The following RYR2 variants were observed in gnomAD, a reference collection of about 807,000 sequenced individuals.
RYR2 encodes the protein cardiac muscle ryanodine receptor-calcium release channel.
In RYR2, 227 loss-of-function variants were observed where a neutral mutation model predicts 601.1. The observed-to-expected ratio is 0.38, with a 90% confidence interval of 0.34 to 0.42. The LOEUF (loss-of-function observed/expected upper bound fraction) is 0.42. RYR2 is among the 10% of genes least tolerant of loss of function. The pLI is 1.00. For synonymous variants in RYR2, 2,223 were observed against 2,175.1 expected (o/e 1.02, Z -0.61); for missense variants, 4,646 against 6,156.5 (o/e 0.75, Z 8.21).
chr1:237,786,074 T>C, intron 91 of RYR2, 38 bp downstream of exon 91: 1 of 1,294,652 alleles, frequency 7.7e-7, no homozygotes, highest in Admixed American at 2.0e-5. Context: ...TTCGTTTCAG[T>C]TTGTCATTAC....
At chr1:237,505,813 A>G (rs1361604985) in intron 22 of RYR2, among the ~76,000 whole-genome samples, 2 of 152,218 alleles carry the variant, frequency 1.3e-5, no homozygotes, top group African/African-American at 4.8e-5. Context: ...GTGCTTAATC[A>G]AGACGTAAAC....
chr1:237,281,611 C>A (rs1413665401), intron 2 of RYR2, among the ~76,000 whole-genome samples: 1 of 152,212 alleles, frequency 6.6e-6, no homozygotes, highest in Non-Finnish European at 1.5e-5. Flanking sequence ...AAGTGCGTAG[C>A]CAGTTTTTGT....
intron 3 of RYR2, among the ~76,000 whole-genome samples, chr1:237,352,035 A>G (rs1698898062): frequency 6.6e-6 from 1 of 151,416 alleles, no homozygotes; most frequent in Admixed American, 6.6e-5. Flanking sequence ...TTATTAAGAT[A>G]AAAAAATATT....
chr1:237,618,517 C>T (rs1401321758), intron 38 of RYR2, among the ~76,000 whole-genome samples: 2 of 152,104 alleles, frequency 1.3e-5, no homozygotes, highest in African/African-American at 4.8e-5. Flanking sequence ...TTTCTTTTTG[C>T]CTCATCTATC....
Position 237,228,912 on chromosome 1 carries a change from A to G in RYR2, c.49-41585A>G, listed in dbSNP as rs116411537. Among the ~76,000 whole-genome samples, 509 of 152,310 alleles carry G rather than the reference A, an allele frequency of 3.3e-3. 1 individual carries two copies. Among genetic ancestry groups the G allele is most frequent in the Non-Finnish European group, 5.5e-3 (374 of 68,032 alleles). ...CTAGAAGCTTTGGGTGATGTGAAAA[A>G]AAATAGGAAGAAAAATAGTGACAGC... On this transcript the variant is annotated intron_variant, in intron 1 of 104. Transcript: ENST00000366574.
chr1:237,402,808 GTCTTACTCTATTGGGC>G (rs1703474184), intron 10 of RYR2, among the ~76,000 whole-genome samples: 5 of 10,956 alleles, frequency 4.6e-4, no homozygotes, highest in Admixed American at 1.3e-3. Flanking sequence ...GAGACTCAGA[GTCTTACTCTATTGGGC>G]AGGCTGGAGT....
At chr1:237,538,581 G>A (rs1022180971) in intron 25 of RYR2, among the ~76,000 whole-genome samples, 14 of 151,386 alleles carry the variant, frequency 9.2e-5, no homozygotes, top group African/African-American at 3.4e-4. Context: ...AGACCAGCCC[G>A]GCCAACATGG....
At chr1:237,789,017 T>C (rs1273571856) in intron 92 of RYR2, among the ~76,000 whole-genome samples, 1 of 151,416 alleles carries the variant, frequency 6.6e-6, no homozygotes, top group African/African-American at 2.4e-5. Flanking sequence ...TATATGTGTA[T>C]ATATGTATAA....
chr1:237,342,719 A>G (rs1314189701), intron 3 of RYR2, among the ~76,000 whole-genome samples: 2 of 152,148 alleles, frequency 1.3e-5, no homozygotes, highest in Admixed American at 1.3e-4. Context: ...ACCACGTGGA[A>G]CTGTAGAAGG....
At chr1:237,623,468 A>G (rs1255766104) in intron 38 of RYR2, among the ~76,000 whole-genome samples, 3 of 137,284 alleles carry the variant, frequency 2.2e-5, no homozygotes, top group South Asian at 2.3e-4. Context: ...ATCTCGGCTC[A>G]CTGCAACCTC....
intron 2 of RYR2, among the ~76,000 whole-genome samples, chr1:237,289,651 T>A (rs1572489522): frequency 1.2e-5 from 1 of 85,690 alleles, no homozygotes; most frequent in African/African-American, 2.9e-5. Flanking sequence ...TCCCATGACA[T>A]GTGGGAATTA....
rs769044169 is a variant in RYR2 at position 237,610,792 on chromosome 1, A to G, written c.4714A>G (p.Lys1572Glu). ...NVMPLSAGLF[K>E]SEHKNPVPQC... ...GATGCCTCTCTCGGCGGGATTATTC[A>G]AGAGTGAGCACAAGAACCCCGTGCC... Residue 1572 changes from lysine to glutamate, a missense_variant, in exon 36 of 105, where the codon AAG becomes GAG. Transcript: ENST00000366574. This position sits in a 1 kb window ranked among gnomAD's most constrained non-coding sequence, Gnocchi z 4.9. The G allele has an allele frequency of 9.3e-6, 15 of 1,608,810 alleles. No homozygotes were observed. Among genetic ancestry groups the G allele is most frequent in the Non-Finnish European group, 1.3e-5 (15 of 1,178,020 alleles).
chr1:237,312,847 G>A (rs1694708533), intron 2 of RYR2, among the ~76,000 whole-genome samples: 1 of 152,136 alleles, frequency 6.6e-6, no homozygotes, highest in African/African-American at 2.4e-5. Context: ...TTTTGTAATT[G>A]GTGGATTAAA....
chr1:237,339,725 T>C (rs1697587921), intron 3 of RYR2, among the ~76,000 whole-genome samples: 1 of 152,202 alleles, frequency 6.6e-6, no homozygotes, highest in African/African-American at 2.4e-5. Context: ...GTTCTGTGTT[T>C]GCTTGGTTCA....
chr1:237,127,842 G>A (rs1421640369), intron 1 of RYR2, among the ~76,000 whole-genome samples: 2 of 150,782 alleles, frequency 1.3e-5, no homozygotes, highest in African/African-American at 2.5e-5. Flanking sequence ...CTGGGCAGAG[G>A]TGCTCCTCAC....
At chr1:237,125,698 C>T (rs1223694858) in intron 1 of RYR2, among the ~76,000 whole-genome samples, 1 of 152,132 alleles carries the variant, frequency 6.6e-6, no homozygotes, top group Admixed American at 6.5e-5. Flanking sequence ...AATTAAAGTT[C>T]TTTGTAAAAA....
At chr1:237,634,374 A>G (rs967599339) in intron 43 of RYR2, among the ~76,000 whole-genome samples, 2 of 152,102 alleles carry the variant, frequency 1.3e-5, no homozygotes, top group African/African-American at 4.8e-5. Flanking sequence ...AAAGACAAAA[A>G]CCACATGATC....
chr1:237,322,864 T>TA (rs1184016902), intron 2 of RYR2, among the ~76,000 whole-genome samples: 1,501 of 147,686 alleles, frequency 0.01, 22 homozygotes, highest in African/African-American at 0.035. Flanking sequence ...AATTTTTTTT[T>TA]AAAAAAAAAA....
At position 237,687,625 on chromosome 1, in the gene RYR2, C is replaced by T. The variant is rs1454164565; in HGVS notation, c.9067+121C>T. The T allele has an allele frequency of 9.3e-6, 7 of 755,574 alleles. No individual in the cohort carries two copies. The East Asian group carries it at 1.1e-4, about 12-fold the overall frequency. 46.8% of individuals were successfully genotyped at this position (755,574 alleles called of 1,614,324 possible). ...ATGTTTGCATGGCTGCATGCATGGT[C>T]GTTGCAGGCCAAGATAAGGTCCTCG... On this transcript the variant is annotated intron_variant, in intron 63 of 104. Transcript: ENST00000366574.
Sources: gnomAD v4.1 joint callset for allele counts (sites outside exome capture counted in the v4.1 genomes callset) on GRCh38, gnomAD v4.1.1 for gene constraint, Gnocchi (gnomAD v3.1) non-coding constraint, MANE v1.5 for transcripts, NCBI Gene and HGNC (gene_info 2026-07-23, HGNC 2026-07-21) for gene names.